RBMS3: variants seen among roughly 807,000 people sequenced by gnomAD.
RBMS3 encodes RNA binding motif single stranded interacting protein 3, also known as RNA-binding motif, single-stranded-interacting protein 3.
Under a neutral mutation model 66.8 loss-of-function variants are expected in RBMS3, and 27 were observed. The ratio of observed to expected loss-of-function variants is 0.40; its 90% CI spans 0.30 to 0.56. The LOEUF (loss-of-function observed/expected upper bound fraction) is 0.56, where lower values mean the gene tolerates loss of function less well. Among genes scored for constraint, RBMS3 ranks in the 20% least tolerant of loss-of-function variants. The pLI, the probability that RBMS3 is intolerant of heterozygous loss-of-function variation, is 0.40. For synonymous variants in RBMS3, 188 were observed against 183.0 expected, an observed-to-expected ratio of 1.03 and a Z score of -0.22; for missense variants, 513 against 549.5, an observed-to-expected ratio of 0.93 and a Z score of 0.66.
chr3:29,747,275 G>C (rs2054944666), intron 5 of RBMS3, among the ~76,000 whole-genome samples: 1 of 152,106 alleles, frequency 6.6e-6, no homozygotes, highest in Admixed American at 6.5e-5. Flanking sequence ...AAATAACTTA[G>C]CTTACATCTT....
At chr3:29,545,869 A>C (rs985128591) in intron 3 of RBMS3, among the ~76,000 whole-genome samples, 19 of 152,196 alleles carry the variant, frequency 1.2e-4, no homozygotes, top group African/African-American at 4.3e-4. Flanking sequence ...AAATCCCCAC[A>C]GCTATGGCCA....
chr3:29,647,794 C>T (rs1035471646), intron 4 of RBMS3, among the ~76,000 whole-genome samples: 2 of 152,140 alleles, frequency 1.3e-5, no homozygotes, highest in Non-Finnish European at 1.5e-5. Flanking sequence ...GTGATAGTCA[C>T]ACACATTTCT....
chr3:29,703,685 T>TA (rs2052737863), intron 4 of RBMS3, among the ~76,000 whole-genome samples: 1 of 152,284 alleles, frequency 6.6e-6, no homozygotes, highest in South Asian at 2.1e-4. Context: ...TTAGAATGGA[T>TA]TTAGAAGATT....
At chr3:29,598,659 A>G (rs1382893741) in intron 4 of RBMS3, among the ~76,000 whole-genome samples, 1 of 152,046 alleles carries the variant, frequency 6.6e-6, no homozygotes, top group African/African-American at 2.4e-5. Context: ...CCTGCTGAGT[A>G]TGATTCATTT....
chr3:29,899,651 A>T (rs2060205854), intron 9 of RBMS3, 54 bp from the exon 10 acceptor site: 1 of 1,543,854 alleles, frequency 6.5e-7, no homozygotes, highest in East Asian at 2.3e-5. Context: ...TGAACACAAG[A>T]ACCAAGTTCT....
chr3:29,341,570 A>G (rs1408884624), intron 1 of RBMS3, among the ~76,000 whole-genome samples: 1 of 152,134 alleles, frequency 6.6e-6, no homozygotes, highest in African/African-American at 2.4e-5. Flanking sequence ...TTAAAGCTCA[A>G]GGAGGTAAAG....
chr3:29,677,121 T>G (rs1180996777), intron 4 of RBMS3, among the ~76,000 whole-genome samples: 2 of 152,036 alleles, frequency 1.3e-5, no homozygotes, highest in African/African-American at 4.8e-5. Flanking sequence ...GAGAACTCAC[T>G]CACTATACAG....
At chr3:29,997,353 G>A (rs1699313897) in intron 14 of RBMS3, among the ~76,000 whole-genome samples, 3 of 150,694 alleles carry the variant, frequency 2.0e-5, no homozygotes, top group Non-Finnish European at 4.4e-5. Flanking sequence ...GGAGGAACTG[G>A]TACCATTCCT....
chr3:29,295,344 TACATATATATATACACAC>T (rs1314443231), intron 1 of RBMS3, among the ~76,000 whole-genome samples: 10 of 143,840 alleles, frequency 7.0e-5, no homozygotes, highest in Middle Eastern at 3.3e-3. Flanking sequence ...CATATATATA[TACATATATATATACACAC>T]ACATATATAT....
At position 29,379,061 on chromosome 3, in the gene RBMS3, A is replaced by G. The variant is rs75439649; in HGVS notation, c.76-55682A>G. ...CAATCTCTGGATCTTCCATGGTAAA[A>G]CTCCTTTTGCCATTTTCTGTGCTTT... On this transcript the variant is annotated intron_variant, in intron 1 of 14. Transcript: ENST00000383767. Among the ~76,000 whole-genome samples the G allele has an allele frequency of 5.8e-3, 875 of 151,270 alleles. 13 individuals are homozygous for G. The highest frequency in any genetic ancestry group is 0.047 in the East Asian group (243 of 5,128).
At chr3:29,490,759 A>G (rs2043512348) in intron 3 of RBMS3, among the ~76,000 whole-genome samples, 1 of 152,198 alleles carries the variant, frequency 6.6e-6, no homozygotes, top group South Asian at 2.1e-4. Context: ...AAGCTGGGCC[A>G]TGGCCAAGGG....
At chr3:29,731,206 C>T (rs1288513535) in intron 4 of RBMS3, among the ~76,000 whole-genome samples, 1 of 152,160 alleles carries the variant, frequency 6.6e-6, no homozygotes, top group Non-Finnish European at 1.5e-5. Context: ...AGAATTAAAC[C>T]TTCCAATTGA....
At chr3:29,466,819 A>C (rs954508712) in intron 2 of RBMS3, among the ~76,000 whole-genome samples, 3 of 152,144 alleles carry the variant, frequency 2.0e-5, no homozygotes, top group Non-Finnish European at 4.4e-5. Context: ...TTTAGGTAAT[A>C]ATTGCACTAT....
chr3:29,827,721 T>C (rs984569122), intron 6 of RBMS3, among the ~76,000 whole-genome samples: 3 of 152,114 alleles, frequency 2.0e-5, no homozygotes, highest in Non-Finnish European at 2.9e-5. Context: ...ACACTGCCTC[T>C]TGCATGTAGC....
At chr3:29,950,618 G>T (rs762485780) in intron 12 of RBMS3, among the ~76,000 whole-genome samples, 3 of 151,782 alleles carry the variant, frequency 2.0e-5, no homozygotes, top group Non-Finnish European at 2.9e-5. Context: ...TAATAAACAT[G>T]TTAACAGTTC....
chr3:29,723,277 C>T lies in RBMS3; in HGVS notation c.400-16443C>T, dbSNP rs184063910. Among the ~76,000 whole-genome samples the T allele has an allele frequency of 2.6e-3, 395 of 152,200 alleles. 4 individuals carry two copies. The highest frequency in any genetic ancestry group is 8.8e-3 in the African/African-American group (364 of 41,566). ...AGGCATGAGCCACCATGTCCAGCCT[C>T]ACTCACTAGTTTTTACATACACTGA... On this transcript the variant is annotated intron_variant, in intron 4 of 14. Coordinates refer to ENST00000383767, the MANE Select transcript of RBMS3 (RefSeq NM_001003793.3).
rs567344102 is a variant in RBMS3 at position 29,688,899 on chromosome 3, A to C, written c.400-50821A>C. Reference sequence around the variant, plus strand: ...CCTGGCCTAGGATATTTCTTGCTAAAGACTGATGGAGAGATTTTTTCTTAA... The same window carrying C: ...CCTGGCCTAGGATATTTCTTGCTAACGACTGATGGAGAGATTTTTTCTTAA... On this transcript the variant is annotated intron_variant, in intron 4 of 14. Transcript: ENST00000383767. Among the ~76,000 whole-genome samples the C allele has an allele frequency of 2.0e-5, 3 of 152,216 alleles. No homozygotes were observed. The East Asian group carries it at 5.8e-4, about 29-fold the overall frequency.
chr3:29,518,969 C>T (rs1412375468), intron 3 of RBMS3, among the ~76,000 whole-genome samples: 4 of 152,040 alleles, frequency 2.6e-5, no homozygotes, highest in South Asian at 4.1e-4. Flanking sequence ...TTAGTAAGAT[C>T]GTAATGAACC....
At chr3:29,917,691 A>C (rs2060673781) in intron 10 of RBMS3, among the ~76,000 whole-genome samples, 1 of 152,068 alleles carries the variant, frequency 6.6e-6, no homozygotes. Flanking sequence ...CTCCCACTAA[A>C]CTAATAGTGG....
Sources: gnomAD v4.1 joint callset for allele counts (sites outside exome capture counted in the v4.1 genomes callset) on GRCh38, gnomAD v4.1.1 for gene constraint, MANE v1.5 for transcripts, NCBI Gene and HGNC (gene_info 2026-07-23, HGNC 2026-07-21) for gene names.